Variants in CACNB4 observed in about 807,000 individuals in gnomAD.
CACNB4 encodes calcium voltage-gated channel auxiliary subunit beta 4.
Under a neutral mutation model 71.2 loss-of-function variants are expected in CACNB4, and 32 were observed. The observed-to-expected ratio is 0.45, with a 90% confidence interval of 0.34 to 0.60. The LOEUF is 0.60. CACNB4 is among the 20% of genes least tolerant of loss of function. The probability of loss-of-function intolerance (pLI) is 0.01; values close to 1 mark genes in which losing one functional copy is unlikely to be tolerated. For missense variants in CACNB4, 464 were observed against 647.9 expected, an observed-to-expected ratio of 0.72 and a Z score of 3.08; for synonymous variants, 231 against 236.9, an observed-to-expected ratio of 0.97 and a Z score of 0.23.
intron 2 of CACNB4, among the ~76,000 whole-genome samples, chr2:151,935,360 A>T (rs2099862673): frequency 6.6e-6 from 1 of 152,236 alleles, no homozygotes; most frequent in Non-Finnish European, 1.5e-5. Context: ...CTCCTATTAC[A>T]CTTATATACC....
At chr2:151,875,849 AC>A (rs1253302571) in intron 5 of CACNB4, among the ~76,000 whole-genome samples, 3 of 132,896 alleles carry the variant, frequency 2.3e-5, no homozygotes, top group East Asian at 5.1e-4. Context: ...CGGGGGGCTG[AC>A]CCCCCCATCT....
intron 2 of CACNB4, among the ~76,000 whole-genome samples, chr2:151,938,136 A>C (rs192297301): frequency 7.6e-4 from 115 of 152,280 alleles, no homozygotes; most frequent in African/African-American, 2.7e-3. Flanking sequence ...CATGTACCAG[A>C]AATGGTGAAT....
chr2:151,997,834 T>C (rs1682152088), intron 2 of CACNB4, among the ~76,000 whole-genome samples: 1 of 152,188 alleles, frequency 6.6e-6, no homozygotes, highest in African/African-American at 2.4e-5. Flanking sequence ...AACAAGTATG[T>C]CCTAAACCCA....
chr2:151,982,442 G>C (rs2099874894), intron 2 of CACNB4, among the ~76,000 whole-genome samples: 1 of 151,938 alleles, frequency 6.6e-6, no homozygotes, highest in Non-Finnish European at 1.5e-5. Flanking sequence ...GACCATCCTG[G>C]CTAACACAGT....
chr2:151,977,470 C>T (rs927076568), intron 2 of CACNB4, among the ~76,000 whole-genome samples: 3 of 152,156 alleles, frequency 2.0e-5, no homozygotes, highest in Non-Finnish European at 4.4e-5. Flanking sequence ...TCATGGGCTT[C>T]AAACTTAGGG....
At chr2:151,868,233 T>A (rs1338521622) in intron 9 of CACNB4, 1 of 152,232 alleles carries the variant, frequency 6.6e-6, no homozygotes, top group Non-Finnish European at 1.5e-5. Context: ...TGGATTCTCA[T>A]AATTTAGCAA....
chr2:151,920,348 T>G (rs1210694505), intron 2 of CACNB4, among the ~76,000 whole-genome samples: 1 of 125,394 alleles, frequency 8.0e-6, no homozygotes, highest in African/African-American at 3.1e-5. Context: ...TTGAGACAGG[T>G]TCTTGCTCTG....
At position 151,836,143 on chromosome 2, in the gene CACNB4, T is replaced by C. The variant is rs887976949; in HGVS notation, c.*2976A>G. The C allele has an allele frequency of 6.6e-6, 1 of 151,810 alleles. No homozygotes were observed. The highest frequency in any genetic ancestry group is 1.5e-5 in the Non-Finnish European group (1 of 67,716). The allele number at this position is 151,810 out of a possible 1,614,324, so 9.4% of individuals were successfully genotyped here. A position where few individuals can be genotyped will look rare whatever the true frequency, so the allele number is the denominator to read the frequency against. On this transcript the variant is annotated 3_prime_UTR_variant, in exon 14 of 14. Coordinates refer to ENST00000539935, the MANE Select transcript of CACNB4 (RefSeq NM_000726.5). ...GAGAATTAACATCAGGATTGACAAATTGCATTCGTTTTTTTCCAGAACTAC... is the reference window on the plus strand; with the variant it reads ...GAGAATTAACATCAGGATTGACAAACTGCATTCGTTTTTTTCCAGAACTAC...
chr2:151,875,054 C>A, intron 5 of CACNB4: 1 of 394,706 alleles, frequency 2.5e-6, no homozygotes, highest in Non-Finnish European at 4.5e-6. Flanking sequence ...TTGGGTGTTT[C>A]TCGCAGAGGG....
rs1165772047 is a variant in CACNB4 at position 152,098,472 on chromosome 2, G to A, written c.64-59C>T. 2.7e-6 allele frequency: 4 copies of A among 1,494,164 alleles called. No homozygotes were observed. The highest frequency in any genetic ancestry group is 3.7e-6 in the Non-Finnish European group (4 of 1,072,406). The allele number at this position is 1,494,164 out of a possible 1,614,324, so 92.6% of individuals were successfully genotyped here. Reference sequence around the variant, plus strand: ...GGTGAGGACCGCAGCGCAGAGCGGGGCGACCACCCCCGGCTGGAGTCCGCC... The same window carrying A: ...GGTGAGGACCGCAGCGCAGAGCGGGACGACCACCCCCGGCTGGAGTCCGCC... On this transcript the variant is annotated intron_variant, in intron 1 of 13. Coordinates refer to ENST00000539935, the MANE Select transcript of CACNB4 (RefSeq NM_000726.5). This position sits in a 1 kb window ranked among gnomAD's most constrained non-coding sequence, Gnocchi z 5.3.
chr2:151,866,690 C>T (rs974331232), intron 9 of CACNB4: 1 of 152,214 alleles, frequency 6.6e-6, no homozygotes, highest in Non-Finnish European at 1.5e-5. Flanking sequence ...GCTGCCTGGC[C>T]TCTTAATATT....
chr2:151,853,673 A>G, intron 11 of CACNB4, 130 bp from the exon 12 acceptor site: 1 of 594,674 alleles, frequency 1.7e-6, no homozygotes, highest in Non-Finnish European at 2.9e-6. Flanking sequence ...GAGAAATCAT[A>G]TATTTAAACC....
rs937586666 is a variant in CACNB4 at position 151,839,467 on chromosome 2, C to T, written c.1303-88G>A. On this transcript the variant is annotated intron_variant, in intron 13 of 13. Coordinates refer to ENST00000539935, the MANE Select transcript of CACNB4 (RefSeq NM_000726.5). ...TGTATGTAAAATCATAGGATCTGTACAATAAGATGCTAAATATCTGACTTA... is the reference window on the plus strand; with the variant it reads ...TGTATGTAAAATCATAGGATCTGTATAATAAGATGCTAAATATCTGACTTA... The T allele has an allele frequency of 4.9e-5, 50 of 1,012,000 alleles. No homozygotes were observed. In the Admixed American group the frequency reaches 6.0e-4, roughly 12 times the overall value. The allele number at this position is 1,012,000 out of a possible 1,614,324, so 62.7% of individuals were successfully genotyped here.
intron 4 of CACNB4, among the ~76,000 whole-genome samples, chr2:151,877,479 T>C (rs1172952534): frequency 6.6e-6 from 1 of 152,176 alleles, no homozygotes; most frequent in African/African-American, 2.4e-5. Flanking sequence ...TTTATAAGGA[T>C]AAATATGCAC....
At chr2:151,966,247 A>G (rs2099871065) in intron 2 of CACNB4, among the ~76,000 whole-genome samples, 1 of 150,760 alleles carries the variant, frequency 6.6e-6, no homozygotes, top group South Asian at 2.1e-4. Context: ...AAGATTCCCA[A>G]CTCCCAGCGT....
chr2:151,993,165 T>A (rs1336957024), intron 2 of CACNB4, among the ~76,000 whole-genome samples: 6 of 141,396 alleles, frequency 4.2e-5, no homozygotes, highest in Admixed American at 2.1e-4. Context: ...TTTTTTTTTT[T>A]AAACATCTTT....
chr2:151,890,912 G>C (rs1469818079), intron 2 of CACNB4, among the ~76,000 whole-genome samples: 2 of 152,082 alleles, frequency 1.3e-5, no homozygotes, highest in Non-Finnish European at 2.9e-5. Flanking sequence ...GTGATTCTAA[G>C]GTAGCACTGA....
chr2:152,046,797 TATC>T (rs2105272071), intron 2 of CACNB4, among the ~76,000 whole-genome samples: 1 of 152,294 alleles, frequency 6.6e-6, no homozygotes, highest in Non-Finnish European at 1.5e-5. Context: ...ATCACAGGGT[TATC>T]ATCACAGGCA....
At chr2:151,849,925 C>T (rs961054778) in intron 12 of CACNB4, among the ~76,000 whole-genome samples, 1 of 152,124 alleles carries the variant, frequency 6.6e-6, no homozygotes, top group Non-Finnish European at 1.5e-5. Context: ...GATTGGAACA[C>T]AGCTACACCC....
Sources: gnomAD v4.1 joint callset for allele counts (sites outside exome capture counted in the v4.1 genomes callset) on GRCh38, gnomAD v4.1.1 for gene constraint, Gnocchi (gnomAD v3.1) non-coding constraint, MANE v1.5 for transcripts, NCBI Gene and HGNC (gene_info 2026-07-23, HGNC 2026-07-21) for gene names.